ARL10: variants seen among roughly 807,000 people sequenced by gnomAD.
ARL10 encodes the protein ADP-ribosylation factor-like protein 10.
A neutral mutation model predicts 26.1 loss-of-function variants in ARL10; 23 were observed. That is an observed-to-expected ratio of 0.88 (90% CI 0.63 to 1.25). The LOEUF (loss-of-function observed/expected upper bound fraction) is 1.25, where lower values mean the gene tolerates loss of function less well. Among genes scored for constraint, ARL10 ranks in the 50% most tolerant of loss-of-function variants. The pLI is 0.00. For missense variants in ARL10, 300 were observed against 323.6 expected (o/e 0.93, Z 0.56); for synonymous variants, 138 against 149.1 (o/e 0.93, Z 0.54).
At chr5:176,389,604 T>C, downstream of ARL10, 1 of 1,220,076 alleles carries the variant, frequency 8.2e-7, no homozygotes, top group Non-Finnish European at 1.1e-6. Context: ...GAGAGGCCCA[T>C]GTGTCGCTGG....
downstream of ARL10, among the ~76,000 whole-genome samples, chr5:176,404,700 T>C (rs1757016744): frequency 6.6e-6 from 1 of 152,174 alleles, no homozygotes; most frequent in Non-Finnish European, 1.5e-5. Flanking sequence ...TGCACTCTAG[T>C]GGGGGCTATG....
In ARL10 at chr5:176,379,670, G is replaced by A. The variant is rs1755504541; in HGVS notation, c.*7775G>A. 1 of 152,184 alleles carries A rather than the reference G, an allele frequency of 6.6e-6. No homozygotes were observed. Among genetic ancestry groups the A allele is most frequent in the African/African-American group, 2.4e-5 (1 of 41,446 alleles). The allele number at this position is 152,184 out of a possible 1,614,324, so 9.4% of individuals were successfully genotyped here. A position where few individuals can be genotyped will look rare whatever the true frequency, so the allele number is the denominator to read the frequency against. ...TTTCACAAGTAGTGTTTCTAAATGA[G>A]CTCTATAATCTGAAACCGGTTCATC... On this transcript the variant is annotated 3_prime_UTR_variant, in exon 4 of 4. Transcript: ENST00000310389.
At chr5:176,366,982 A>G (rs1178018735) in intron 2 of ARL10, among the ~76,000 whole-genome samples, 6 of 150,706 alleles carry the variant, frequency 4.0e-5, no homozygotes, top group African/African-American at 1.5e-4. Context: ...CATGAATCCA[A>G]GGTCACCCAC....
Position 176,368,793 on chromosome 5 carries a change from T to C in ARL10, c.386-14T>C, listed in dbSNP as rs911127450. Reference sequence around the variant, plus strand: ...GCCCGGGAGGCTCTGAGCTGGCCCCTGGCCTCTCCTCAGTTGGGGGCAGCC... The same window carrying C: ...GCCCGGGAGGCTCTGAGCTGGCCCCCGGCCTCTCCTCAGTTGGGGGCAGCC... On this transcript the variant is annotated splice_polypyrimidine_tract_variant and intron_variant, in intron 2 of 3. Transcript: ENST00000310389. This position sits in a 1 kb window ranked among gnomAD's most constrained non-coding sequence, Gnocchi z 4.1. The C allele has an allele frequency of 6.2e-7, 1 of 1,601,244 alleles. No individual in the cohort carries two copies. The highest frequency in any genetic ancestry group is 8.5e-7 in the Non-Finnish European group (1 of 1,172,728).
chr5:176,393,565 G>A (rs1213002440), downstream of ARL10, among the ~76,000 whole-genome samples: 1 of 152,196 alleles, frequency 6.6e-6, no homozygotes, highest in African/African-American at 2.4e-5. The surrounding 1 kb of genome is among the most constrained non-coding windows in gnomAD (Gnocchi z 4.4). Flanking sequence ...CCTCCAAGGT[G>A]TGTATGTGAT....
chr5:176,390,971 G>A (rs1311008884), downstream of ARL10, among the ~76,000 whole-genome samples: 1 of 152,172 alleles, frequency 6.6e-6, no homozygotes, highest in Non-Finnish European at 1.5e-5. Context: ...TCTGTGGTCA[G>A]CGCTCCTCAA....
At chr5:176,411,239 C>T in the ARL10 span, among the ~76,000 whole-genome samples, 1 of 152,196 alleles carries the variant, frequency 6.6e-6, no homozygotes, top group Admixed American at 6.5e-5. Context: ...GCCCCCTTGA[C>T]TCCAGCCTCT....
downstream of ARL10, chr5:176,405,684 G>A (rs1159297632): frequency 6.6e-5 from 10 of 152,022 alleles, no homozygotes; most frequent in Admixed American, 6.6e-4. Context: ...ACAAGTAGCT[G>A]GGTACACAGG....
At chr5:176,408,799 C>T in the ARL10 span, among the ~76,000 whole-genome samples, 1 of 152,156 alleles carries the variant, frequency 6.6e-6, no homozygotes, top group Non-Finnish European at 1.5e-5. Flanking sequence ...GGATTACAGG[C>T]GTAAGCCGCC....
At chr5:176,405,102 C>CA (rs1757037939), downstream of ARL10, among the ~76,000 whole-genome samples, 2 of 152,332 alleles carry the variant, frequency 1.3e-5, 1 homozygote, top group South Asian at 4.1e-4. Context: ...GAGAAGAACT[C>CA]AATCTGTTAG....
At position 176,366,541 on chromosome 5, in the gene ARL10, GC is replaced by G; in HGVS notation, c.346del (p.Arg116ValfsTer12). The G allele has an allele frequency of 6.2e-7, 1 of 1,614,148 alleles. No homozygotes were observed. The highest frequency in any genetic ancestry group is 1.1e-5 in the South Asian group (1 of 91,082). ...HIPTWGFNSV[R>X]LPTKDFEVDL... ...TCCCCACCTGGGGCTTCAACTCCGT[GC>G]GTCTGCCCACCAAGGACTTTGAGGT... On this transcript the variant is annotated frameshift_variant, in exon 2 of 4. Coordinates refer to ENST00000310389, the MANE Select transcript of ARL10 (RefSeq NM_173664.6). LOFTEE classifies it high-confidence loss of function.
intron 1 of ARL10, among the ~76,000 whole-genome samples, chr5:176,387,344 C>T (rs750766022): frequency 6.6e-6 from 1 of 152,252 alleles, no homozygotes; most frequent in Non-Finnish European, 1.5e-5. Flanking sequence ...TTACCCCCAA[C>T]ACAATCTTGG....
At chr5:176,398,038 C>T (rs774270072) in intron 1 of ARL10, 20 of 1,613,876 alleles carry the variant, frequency 1.2e-5, no homozygotes, top group East Asian at 2.2e-5. Flanking sequence ...TCAGCAGGAC[C>T]GTTGGCCTCC....
the ARL10 span, among the ~76,000 whole-genome samples, chr5:176,412,521 T>C: frequency 3.3e-5 from 5 of 152,204 alleles, no homozygotes; most frequent in Admixed American, 2.0e-4. Flanking sequence ...CAGAAACTGC[T>C]GTGCCTCCTA....
chr5:176,411,981 C>T, the ARL10 span, among the ~76,000 whole-genome samples: 2 of 151,948 alleles, frequency 1.3e-5, no homozygotes, highest in Non-Finnish European at 2.9e-5. Context: ...TCGAGACCAT[C>T]CTGGCTAACA....
chr5:176,385,196 A>C, downstream of ARL10: 1 of 1,403,406 alleles, frequency 7.1e-7, no homozygotes, highest in Non-Finnish European at 1.0e-6. Flanking sequence ...CTTCCCAGCC[A>C]GCCCACGGGG....
chr5:176,388,744 T>TC (rs1756110567), downstream of ARL10: 1 of 1,557,806 alleles, frequency 6.4e-7, no homozygotes, highest in Non-Finnish European at 8.7e-7. Flanking sequence ...TTTATTCGTT[T>TC]CCCCGCCCCT....
In ARL10 at chr5:176,380,386, C is replaced by T. The variant is rs982088873; in HGVS notation, c.*8491C>T. On this transcript the variant is annotated 3_prime_UTR_variant, in exon 4 of 4. Transcript: ENST00000310389. ...AATAAACAGTTTTATTTAAAGTTTC[C>T]TCATCGTGGCCATTTTAATTCTAAG... 2.0e-5 allele frequency: 3 copies of T among 151,494 alleles called. No homozygotes were observed. Among genetic ancestry groups the T allele is most frequent in the African/African-American group, 7.3e-5 (3 of 41,154 alleles). 9.4% of individuals were successfully genotyped at this position (151,494 alleles called of 1,614,324 possible).
At chr5:176,366,705 A>T (rs1768321639) in intron 2 of ARL10, 124 bp downstream of exon 2, 1 of 1,189,274 alleles carries the variant, frequency 8.4e-7, no homozygotes, top group Non-Finnish European at 1.2e-6. Flanking sequence ...AATCCTTCCC[A>T]CCGCTCTCCG....
Sources: allele counts gnomAD v4.1 joint callset (sites outside exome capture counted in the v4.1 genomes callset), GRCh38; gene constraint gnomAD v4.1.1; non-coding constraint Gnocchi (gnomAD v3.1); transcripts MANE v1.5; gene names NCBI Gene and HGNC (gene_info 2026-07-23, HGNC 2026-07-21).